FGF10: variants seen among roughly 807,000 people sequenced by gnomAD.
The protein encoded by FGF10 is fibroblast growth factor 10.
FGF10 carries 2 observed loss-of-function variants against 19.8 expected under a neutral mutation model. The ratio of observed to expected loss-of-function variants is 0.10; its 90% CI spans 0.04 to 0.32. The LOEUF is 0.32. Among genes scored for constraint, FGF10 ranks in the 10% least tolerant of loss-of-function variants. FGF10 has a pLI of 1.00. For missense variants in FGF10, 191 were observed against 246.3 expected (o/e 0.78, Z 1.50); for synonymous variants, 112 against 94.0 (o/e 1.19, Z -1.10).
chr5:44,346,233 G>T (rs576469538), intron 1 of FGF10, among the ~76,000 whole-genome samples: 1 of 151,646 alleles, frequency 6.6e-6, no homozygotes, highest in South Asian at 2.1e-4. Context: ...AAAATGTCTT[G>T]ACTCTTTCAC....
chr5:44,360,404 T>A (rs1428539754), intron 1 of FGF10, among the ~76,000 whole-genome samples: 2 of 151,512 alleles, frequency 1.3e-5, no homozygotes, highest in Non-Finnish European at 3.0e-5. Context: ...TCTTTAACAC[T>A]CCCTTCCCTA....
chr5:44,348,536 T>C lies in FGF10; in HGVS notation c.326-38006A>G, dbSNP rs901594267. ...GTAAAGAAAGTTCAGTGCAAGTTTC[T>C]ATCACTCCCATCCCAGATAAGGTGG... On this transcript the variant is annotated intron_variant, in intron 1 of 2. Transcript: ENST00000264664. Among the ~76,000 whole-genome samples, 11 of 151,548 alleles carry C rather than the reference T, an allele frequency of 7.3e-5. 1 individual carries two copies. Among genetic ancestry groups the C allele is most frequent in the African/African-American group, 2.4e-4 (10 of 41,362 alleles).
At chr5:44,353,079 G>A (rs1049028326) in intron 1 of FGF10, among the ~76,000 whole-genome samples, 2 of 151,520 alleles carry the variant, frequency 1.3e-5, no homozygotes, top group Admixed American at 6.6e-5. Flanking sequence ...TTACAGAGAC[G>A]CAACTGATTT....
chr5:44,387,461 C>A (rs1742129769), intron 1 of FGF10, among the ~76,000 whole-genome samples: 1 of 152,118 alleles, frequency 6.6e-6, no homozygotes, highest in African/African-American at 2.4e-5. Context: ...AGACTTATGA[C>A]TTTTACTTTG....
At chr5:44,315,699 A>G (rs1253663542) in intron 1 of FGF10, among the ~76,000 whole-genome samples, 1 of 152,170 alleles carries the variant, frequency 6.6e-6, no homozygotes, top group Non-Finnish European at 1.5e-5. Flanking sequence ...AGACACAAAT[A>G]CTAACCTCTC....
chr5:44,354,131 TACAA>T (rs1415492747), intron 1 of FGF10, among the ~76,000 whole-genome samples: 1 of 151,294 alleles, frequency 6.6e-6, no homozygotes, highest in Admixed American at 6.6e-5. Context: ...CTTAAGAGAA[TACAA>T]ACAGACTCCT....
At chr5:44,325,422 A>C (rs13177672) in intron 1 of FGF10, among the ~76,000 whole-genome samples, 1 of 152,092 alleles carries the variant, frequency 6.6e-6, no homozygotes, top group Non-Finnish European at 1.5e-5. Flanking sequence ...GCTGCTATAA[A>C]GACACATGCA....
At chr5:44,342,862 C>G (rs1740999839) in intron 1 of FGF10, among the ~76,000 whole-genome samples, 1 of 151,972 alleles carries the variant, frequency 6.6e-6, no homozygotes, top group African/African-American at 2.4e-5. Context: ...AAGTGAGTCT[C>G]TAGATTTTAT....
chr5:44,329,035 A>T (rs962060730), intron 1 of FGF10, among the ~76,000 whole-genome samples: 1 of 152,168 alleles, frequency 6.6e-6, no homozygotes, highest in Non-Finnish European at 1.5e-5. Flanking sequence ...AAACCTTATA[A>T]GAAAAATTAT....
intron 1 of FGF10, among the ~76,000 whole-genome samples, chr5:44,370,009 A>G (rs548700873): frequency 4.1e-4 from 63 of 152,186 alleles, no homozygotes; most frequent in Non-Finnish European, 7.4e-4. Flanking sequence ...CTATGTGTGA[A>G]CATATTTGCC....
intron 1 of FGF10, among the ~76,000 whole-genome samples, chr5:44,382,301 C>A (rs1163805350): frequency 6.6e-6 from 1 of 152,056 alleles, no homozygotes; most frequent in African/African-American, 2.4e-5. Flanking sequence ...AGGAAGGGAG[C>A]CTTTAAGGTC....
chr5:44,349,457 T>TATATCAGAATATATATATATATCAGA (rs1741182004), intron 1 of FGF10, among the ~76,000 whole-genome samples: 2 of 29,796 alleles, frequency 6.7e-5, no homozygotes, highest in African/African-American at 2.6e-4. Context: ...TATATATATA[T>TATATCAGAATATATATATATATCAGA]ATATATATAT....
At chr5:44,372,567 A>G (rs1347433994) in intron 1 of FGF10, among the ~76,000 whole-genome samples, 1 of 152,182 alleles carries the variant, frequency 6.6e-6, no homozygotes, top group Non-Finnish European at 1.5e-5. Flanking sequence ...CCAAAATCTC[A>G]TTTAAGTAAC....
chr5:44,342,729 T>C (rs1740997623), intron 1 of FGF10, among the ~76,000 whole-genome samples: 2 of 151,930 alleles, frequency 1.3e-5, no homozygotes, highest in Admixed American at 1.3e-4. Context: ...ATTTCAGTAA[T>C]TTAAGTTGGA....
chr5:44,354,495 A>C (rs1182219050), intron 1 of FGF10, among the ~76,000 whole-genome samples: 1 of 151,522 alleles, frequency 6.6e-6, no homozygotes, highest in African/African-American at 2.4e-5. Context: ...ACTTACTCTT[A>C]CATCTAATTG....
intron 1 of FGF10, among the ~76,000 whole-genome samples, chr5:44,344,520 CT>C (rs552197628): frequency 1.9e-4 from 26 of 138,458 alleles, no homozygotes; most frequent in African/African-American, 3.5e-4. Flanking sequence ...AAAAGTTAAC[CT>C]TTTTTTTTTC....
chr5:44,343,535 A>C (rs1741017344), intron 1 of FGF10, among the ~76,000 whole-genome samples: 2 of 152,000 alleles, frequency 1.3e-5, no homozygotes, highest in Admixed American at 6.6e-5. Flanking sequence ...GGCACATACA[A>C]GTAGTATGAA....
chr5:44,320,652 T>C (rs1380974391), intron 1 of FGF10, among the ~76,000 whole-genome samples: 4 of 152,244 alleles, frequency 2.6e-5, no homozygotes, highest in Non-Finnish European at 5.9e-5. Context: ...TAAAACTTCT[T>C]CACCACATGC....
In FGF10 at chr5:44,363,169, G is replaced by A. The variant is rs140650849; in HGVS notation, c.325+25189C>T. On this transcript the variant is annotated intron_variant, in intron 1 of 2. Transcript: ENST00000264664. ...GCATGTCATTAAAAAGTTTTCATTA[G>A]CCTCAGACCTCTAAATTTCCTTCAC... Among the ~76,000 whole-genome samples the A allele has an allele frequency of 1.1e-4, 17 of 151,830 alleles. No individual in the cohort carries two copies. In the East Asian group the frequency reaches 2.3e-3, roughly 21 times the overall value.
Sources: gnomAD v4.1 joint callset for allele counts (sites outside exome capture counted in the v4.1 genomes callset) on GRCh38, gnomAD v4.1.1 for gene constraint, MANE v1.5 for transcripts, NCBI Gene and HGNC (gene_info 2026-07-23, HGNC 2026-07-21) for gene names.